The following GABRG3 variants were observed in gnomAD, a reference collection of about 807,000 sequenced individuals.
GABRG3 encodes the protein gamma-aminobutyric acid type A receptor subunit gamma3, also known as gamma-aminobutyric acid receptor subunit gamma-3.
Under a neutral mutation model 48.8 loss-of-function variants are expected in GABRG3, and 25 were observed. The ratio of observed to expected loss-of-function variants is 0.51; its 90% CI spans 0.37 to 0.72. The LOEUF (loss-of-function observed/expected upper bound fraction) is 0.72, where lower values mean the gene tolerates loss of function less well. Ranked by LOEUF, GABRG3 falls within the 30% of genes least tolerant of loss-of-function variation. The pLI is 0.00. For synonymous variants in GABRG3, 227 were observed against 217.6 expected (o/e 1.04, Z -0.38); for missense variants, 394 against 577.9 (o/e 0.68, Z 3.26).
intron 6 of GABRG3, among the ~76,000 whole-genome samples, chr15:27,495,888 G>A (rs926613906): frequency 1.3e-5 from 2 of 152,134 alleles, no homozygotes; most frequent in Non-Finnish European, 2.9e-5. Flanking sequence ...TTGAAAGCTG[G>A]ACATTTTGGA....
chr15:27,270,414 G>A (rs1185742476), intron 3 of GABRG3, among the ~76,000 whole-genome samples: 4 of 152,122 alleles, frequency 2.6e-5, no homozygotes, highest in Admixed American at 2.0e-4. Context: ...CTGTTTGTTC[G>A]ACTCAGAAAT....
At chr15:27,448,119 C>T (rs1295051920) in intron 5 of GABRG3, among the ~76,000 whole-genome samples, 2 of 140,052 alleles carry the variant, frequency 1.4e-5, no homozygotes, top group African/African-American at 6.0e-5. Context: ...ACACCAAACA[C>T]GTTTTTTTTA....
chr15:27,445,977 ACT>A, intron 5 of GABRG3, among the ~76,000 whole-genome samples: 1 of 151,966 alleles, frequency 6.6e-6, no homozygotes, highest in East Asian at 1.9e-4. Context: ...TTATTTGTGA[ACT>A]CTCAATTCTA....
At chr15:27,130,837 T>C (rs1327541240) in intron 3 of GABRG3, among the ~76,000 whole-genome samples, 1 of 152,110 alleles carries the variant, frequency 6.6e-6, no homozygotes, top group African/African-American at 2.4e-5. Flanking sequence ...CGTGAAAATA[T>C]AACTGATTTG....
At chr15:27,494,564 C>A (rs1317795344) in intron 6 of GABRG3, among the ~76,000 whole-genome samples, 1 of 152,104 alleles carries the variant, frequency 6.6e-6, no homozygotes, top group Non-Finnish European at 1.5e-5. Flanking sequence ...ATTAAGTGAA[C>A]TAGGGCAGTT....
intron 3 of GABRG3, among the ~76,000 whole-genome samples, chr15:27,050,982 C>T (rs1415075646): frequency 6.6e-6 from 1 of 152,070 alleles, no homozygotes; most frequent in East Asian, 1.9e-4. Flanking sequence ...GAAAATGATC[C>T]AAATATGGTC....
chr15:27,294,174 C>G (rs149533645), intron 3 of GABRG3, among the ~76,000 whole-genome samples: 6 of 152,004 alleles, frequency 3.9e-5, no homozygotes, highest in Admixed American at 3.3e-4. Context: ...GAGCCCAGAT[C>G]CCTGTCATCT....
At chr15:27,061,710 G>A (rs1289400750) in intron 3 of GABRG3, among the ~76,000 whole-genome samples, 1 of 152,076 alleles carries the variant, frequency 6.6e-6, no homozygotes, top group Non-Finnish European at 1.5e-5. Flanking sequence ...GAGAAAAAAA[G>A]TCTTTTCCCT....
In GABRG3 at chr15:27,236,177, G is replaced by A. The variant is rs1239595025; in HGVS notation, c.271-90632G>A. On this transcript the variant is annotated intron_variant, in intron 3 of 9. Coordinates refer to ENST00000615808, the MANE Select transcript of GABRG3 (RefSeq NM_033223.5). This position sits in a 1 kb window ranked among gnomAD's most constrained non-coding sequence, Gnocchi z 4.4. The stretch of plus-strand genomic sequence containing the variant: ...GAACACTTTTCTGTAAACCGTGTCC[G>A]GCGTACATGGAAGCATCTCAGGAGG... 6.6e-6 allele frequency among the ~76,000 whole-genome samples: 1 copy of A among 152,104 alleles called. No homozygotes were observed. Among genetic ancestry groups the A allele is most frequent in the African/African-American group, 2.4e-5 (1 of 41,408 alleles).
intron 3 of GABRG3, among the ~76,000 whole-genome samples, chr15:27,308,059 T>C (rs146222986): frequency 0.022 from 2,851 of 130,498 alleles, 102 homozygotes; most frequent in South Asian, 0.082. Context: ...AATATAAACA[T>C]ATATAAACAT....
At chr15:27,065,064 C>G (rs1896714398) in intron 3 of GABRG3, among the ~76,000 whole-genome samples, 1 of 152,140 alleles carries the variant, frequency 6.6e-6, no homozygotes, top group African/African-American at 2.4e-5. Flanking sequence ...GGCTCCTGCA[C>G]CCTCTCTTTG....
chr15:27,529,903 AAAG>A (rs1359025012), intron 9 of GABRG3, among the ~76,000 whole-genome samples: 89 of 151,898 alleles, frequency 5.9e-4, no homozygotes, highest in African/African-American at 2.2e-3. Flanking sequence ...AAAAAAAAAA[AAAG>A]AGAAAGTGGG....
intron 3 of GABRG3, among the ~76,000 whole-genome samples, chr15:27,308,886 A>T (rs1383936330): frequency 1.3e-5 from 2 of 150,428 alleles, no homozygotes; most frequent in African/African-American, 2.4e-5. Context: ...ACAGAATTTA[A>T]ACATGTTTAT....
rs529835429 is a variant in GABRG3 at position 27,420,692 on chromosome 15, C to T, written c.575-59958C>T. Reference sequence around the variant, plus strand: ...TATTTGTAATTTTACCTCCATAAATCTGGAAACGGTTATAAGTGAGTCAAT... The same window carrying T: ...TATTTGTAATTTTACCTCCATAAATTTGGAAACGGTTATAAGTGAGTCAAT... On this transcript the variant is annotated intron_variant, in intron 5 of 9. Coordinates refer to ENST00000615808, the MANE Select transcript of GABRG3 (RefSeq NM_033223.5). 9 of 152,254 alleles carry T rather than the reference C, an allele frequency of 5.9e-5. No homozygotes were observed. The South Asian group carries it at 1.9e-3, about 32-fold the overall frequency. The allele number at this position is 152,254 out of a possible 1,614,324, so 9.4% of individuals were successfully genotyped here. A position where few individuals can be genotyped will look rare whatever the true frequency, so the allele number is the denominator to read the frequency against.
intron 3 of GABRG3, among the ~76,000 whole-genome samples, chr15:27,302,483 A>C (rs544529215): frequency 6.6e-6 from 1 of 152,252 alleles, no homozygotes; most frequent in East Asian, 1.9e-4. Context: ...GATGCAACAT[A>C]CATGAAGCAA....
rs17739682 is a variant in GABRG3 at position 27,241,521 on chromosome 15, A to G, written c.271-85288A>G. 5.5e-3 allele frequency among the ~76,000 whole-genome samples: 835 copies of G among 152,324 alleles called. 23 individuals are homozygous for G. The East Asian group carries it at 0.066, about 12-fold the overall frequency. On this transcript the variant is annotated intron_variant, in intron 3 of 9. Transcript: ENST00000615808. ...TGGTGAATGTCACACTTCCTGGAGC[A>G]ACAGGTTTTCAGCACACGCTCACAT... is the stretch of plus-strand genomic sequence containing the variant.
chr15:27,441,219 G>T (rs1256602105), intron 5 of GABRG3, among the ~76,000 whole-genome samples: 1 of 152,154 alleles, frequency 6.6e-6, no homozygotes, highest in Non-Finnish European at 1.5e-5. Context: ...CTTTTTCAAA[G>T]GAATGGAATA....
intron 3 of GABRG3, among the ~76,000 whole-genome samples, chr15:27,141,229 A>C (rs1414878151): frequency 6.6e-6 from 1 of 152,214 alleles, no homozygotes; most frequent in African/African-American, 2.4e-5. Flanking sequence ...CGCTTTGTCT[A>C]GTTATTTGCT....
At chr15:27,524,134 A>G (rs1183745709) in intron 7 of GABRG3, among the ~76,000 whole-genome samples, 1 of 152,098 alleles carries the variant, frequency 6.6e-6, no homozygotes, top group Non-Finnish European at 1.5e-5. Flanking sequence ...AAGAGTAGCA[A>G]AGAAATGTCA....
Sources: allele counts gnomAD v4.1 joint callset (sites outside exome capture counted in the v4.1 genomes callset), GRCh38; gene constraint gnomAD v4.1.1; non-coding constraint Gnocchi (gnomAD v3.1); transcripts MANE v1.5; gene names NCBI Gene and HGNC (gene_info 2026-07-23, HGNC 2026-07-21).